The following CLIC4 variants were observed in gnomAD, a reference collection of about 807,000 sequenced individuals.
CLIC4 encodes chloride intracellular channel protein 4.
CLIC4 carries 13 observed loss-of-function variants against 24.6 expected under a neutral mutation model. The observed-to-expected ratio is 0.53, with a 90% CI of 0.34 to 0.84. The LOEUF (loss-of-function observed/expected upper bound fraction) is 0.84, where lower values mean the gene tolerates loss of function less well. Ranked by LOEUF, CLIC4 falls within the 40% of genes least tolerant of loss-of-function variation. The pLI, the probability that CLIC4 is intolerant of heterozygous loss-of-function variation, is 0.01. For missense variants in CLIC4, 227 were observed against 301.7 expected (o/e 0.75, Z 1.83); for synonymous variants, 104 against 111.3 (o/e 0.93, Z 0.41).
intron 3 of CLIC4, among the ~76,000 whole-genome samples, chr1:24,816,602 G>T (rs1315458496): frequency 6.6e-6 from 1 of 152,020 alleles, no homozygotes; most frequent in East Asian, 1.9e-4. Context: ...ACTTTGCTTT[G>T]CTCAGATCCA....
rs560449571 is a variant in CLIC4, at chr1:24,799,639, G to T, written c.182+1788G>T. Among the ~76,000 whole-genome samples the T allele has an allele frequency of 2.8e-3, 400 of 141,992 alleles. 5 individuals are homozygous for T. The highest frequency in any genetic ancestry group is 0.011 in the African/African-American group (380 of 35,676). 93.2% of individuals were successfully genotyped at this position (141,992 alleles called of 152,430 possible). On this transcript the variant is annotated intron_variant, in intron 2 of 5. Coordinates refer to ENST00000374379, the MANE Select transcript of CLIC4 (RefSeq NM_013943.3). ...CCGCCCGGCCAGCCGCCCCGTCGGG[G>T]AGGGAGGTGGGGGGGGTCAGCCCCC...
chr1:24,763,973 A>C (rs541784231), intron 1 of CLIC4, among the ~76,000 whole-genome samples: 1 of 152,332 alleles, frequency 6.6e-6, no homozygotes, highest in Non-Finnish European at 1.5e-5. Context: ...TCTGCCTCAT[A>C]ATAGGCATTC....
chr1:24,775,181 T>C (rs1377663204), intron 1 of CLIC4, among the ~76,000 whole-genome samples: 2 of 151,868 alleles, frequency 1.3e-5, no homozygotes, highest in Admixed American at 6.6e-5. Flanking sequence ...GTTGTTTTTT[T>C]CTAGCTACCG....
intron 2 of CLIC4, among the ~76,000 whole-genome samples, chr1:24,808,495 T>A (rs1639577440): frequency 6.6e-6 from 1 of 151,996 alleles, no homozygotes; most frequent in Non-Finnish European, 1.5e-5. Context: ...TCAGTACAAC[T>A]GCAACCGCCC....
chr1:24,798,040 T>A (rs1434267748), intron 2 of CLIC4, 189 bp downstream of exon 2: 1 of 457,132 alleles, frequency 2.2e-6, no homozygotes, highest in Non-Finnish European at 3.9e-6. Context: ...GCGTGGCTAC[T>A]CAGTCTTTTT....
intron 1 of CLIC4, among the ~76,000 whole-genome samples, chr1:24,764,304 T>C (rs1285217654): frequency 6.6e-6 from 1 of 151,968 alleles, no homozygotes; most frequent in Non-Finnish European, 1.5e-5. Flanking sequence ...TTCTCCATGT[T>C]GGTCAGGGTG....
intron 1 of CLIC4, among the ~76,000 whole-genome samples, chr1:24,790,697 C>T (rs1434345082): frequency 6.6e-6 from 1 of 152,144 alleles, no homozygotes; most frequent in Non-Finnish European, 1.5e-5. Context: ...CCTCCTCTGA[C>T]CCCATCCCAG....
intron 3 of CLIC4, among the ~76,000 whole-genome samples, chr1:24,824,935 A>T (rs1639771657): frequency 6.6e-6 from 1 of 150,650 alleles, no homozygotes; most frequent in Non-Finnish European, 1.5e-5. Flanking sequence ...CAGGAGGTTG[A>T]GGCTGCAGTG....
intron 1 of CLIC4, among the ~76,000 whole-genome samples, chr1:24,750,195 T>A (rs553650645): frequency 1.3e-5 from 2 of 152,120 alleles, no homozygotes; most frequent in African/African-American, 2.4e-5. Flanking sequence ...AGTGAGCTTA[T>A]GATCATGTAC....
chr1:24,809,868 TAGG>T (rs1639594379), intron 2 of CLIC4, among the ~76,000 whole-genome samples: 1 of 152,210 alleles, frequency 6.6e-6, no homozygotes, highest in South Asian at 2.1e-4. Flanking sequence ...TGGGCTATAA[TAGG>T]AGGCAGAAAC....
intron 1 of CLIC4, among the ~76,000 whole-genome samples, chr1:24,762,948 TAAAG>T (rs1638946625): frequency 6.6e-6 from 1 of 152,076 alleles, no homozygotes. Context: ...AGTGGAAAAT[TAAAG>T]AGAGACATGG....
chr1:24,827,185 C>T, intron 4 of CLIC4, 69 bp downstream of exon 4: 1 of 956,778 alleles, frequency 1.0e-6, no homozygotes, highest in Non-Finnish European at 1.6e-6. Context: ...GTTATTATGA[C>T]AGTGATTATA....
At chr1:24,837,409 T>C (rs140208277) in intron 4 of CLIC4, among the ~76,000 whole-genome samples, 1 of 152,258 alleles carries the variant, frequency 6.6e-6, no homozygotes, top group East Asian at 1.9e-4. Context: ...TTTCTTATAA[T>C]TAAAAAGAAA....
intron 2 of CLIC4, among the ~76,000 whole-genome samples, chr1:24,805,303 G>A (rs1639538994): frequency 6.6e-6 from 1 of 151,998 alleles, no homozygotes; most frequent in South Asian, 2.1e-4. Flanking sequence ...GTGACAAGGG[G>A]TCTTGGTGTG....
At chr1:24,822,501 A>G (rs1204356210) in intron 3 of CLIC4, among the ~76,000 whole-genome samples, 1 of 151,758 alleles carries the variant, frequency 6.6e-6, no homozygotes, top group African/African-American at 2.4e-5. Flanking sequence ...GATGTGCACC[A>G]CCACGCCTGG....
intron 3 of CLIC4, among the ~76,000 whole-genome samples, chr1:24,822,397 G>A (rs1027239273): frequency 1.4e-5 from 2 of 138,428 alleles, no homozygotes; most frequent in South Asian, 2.3e-4. Context: ...CGCCCAGGCT[G>A]GAGTGCAGTG....
intron 1 of CLIC4, among the ~76,000 whole-genome samples, chr1:24,779,347 A>G (rs556784717): frequency 4.1e-4 from 62 of 152,202 alleles, no homozygotes; most frequent in African/African-American, 1.5e-3. Flanking sequence ...GTACGTGCCT[A>G]TAGTCCCAGC....
intron 3 of CLIC4, among the ~76,000 whole-genome samples, chr1:24,818,704 C>T (rs890037145): frequency 6.6e-6 from 1 of 151,602 alleles, no homozygotes; most frequent in African/African-American, 2.4e-5. Flanking sequence ...TTGCCCTCAA[C>T]AAGTACAGTC....
At chr1:24,755,855 CTT>C (rs1403636930) in intron 1 of CLIC4, among the ~76,000 whole-genome samples, 1 of 151,478 alleles carries the variant, frequency 6.6e-6, no homozygotes, top group Non-Finnish European at 1.5e-5. Context: ...GAGTTTTGCT[CTT>C]GTTGCCCAGG....
Sources: allele counts gnomAD v4.1 joint callset (sites outside exome capture counted in the v4.1 genomes callset), GRCh38; gene constraint gnomAD v4.1.1; transcripts MANE v1.5; gene names NCBI Gene and HGNC (gene_info 2026-07-23, HGNC 2026-07-21).